NEBL: variants seen among roughly 807,000 people sequenced by gnomAD.
NEBL encodes the protein LIM and SH3 protein 2.
In NEBL, 122 loss-of-function variants were observed where a neutral mutation model predicts 140.2. The ratio of observed to expected loss-of-function variants is 0.87; its 90% CI spans 0.75 to 1.01. The LOEUF (loss-of-function observed/expected upper bound fraction) is 1.01, where lower values mean the gene tolerates loss of function less well. Ranked by LOEUF, NEBL falls within the 50% of genes least tolerant of loss-of-function variation. The probability of loss-of-function intolerance (pLI) is 0.00; values close to 1 mark genes in which losing one functional copy is unlikely to be tolerated. For synonymous variants in NEBL, 436 were observed against 398.9 expected (o/e 1.09, Z -1.11); for missense variants, 1,365 against 1,231.3 (o/e 1.11, Z -1.62).
chr10:21,142,566 T>C (rs1461280720), intron 2 of NEBL, among the ~76,000 whole-genome samples: 1 of 152,120 alleles, frequency 6.6e-6, no homozygotes, highest in Non-Finnish European at 1.5e-5. Flanking sequence ...CTAAGGGAAA[T>C]TGTGGGATCC....
intron 9 of NEBL, among the ~76,000 whole-genome samples, chr10:20,857,058 A>T (rs1284295751): frequency 6.6e-6 from 1 of 152,052 alleles, no homozygotes; most frequent in Non-Finnish European, 1.5e-5. Flanking sequence ...TGAACTTCTG[A>T]CCTCAGGTGA....
chr10:21,168,291 A>G (rs1355768081), intron 2 of NEBL, among the ~76,000 whole-genome samples: 1 of 152,208 alleles, frequency 6.6e-6, no homozygotes, highest in Non-Finnish European at 1.5e-5. Context: ...GTCTATGCTC[A>G]TGGTTTCCAA....
At chr10:21,253,152 C>T (rs1842608613) in intron 1 of NEBL, among the ~76,000 whole-genome samples, 1 of 152,168 alleles carries the variant, frequency 6.6e-6, no homozygotes, top group African/African-American at 2.4e-5. Context: ...ATCCAAGCTA[C>T]TCAGGAGGCT....
At chr10:21,054,249 G>A (rs1301544968) in intron 2 of NEBL, among the ~76,000 whole-genome samples, 1 of 152,036 alleles carries the variant, frequency 6.6e-6, no homozygotes, top group African/African-American at 2.4e-5. Context: ...GGTGTTTTCT[G>A]TTTTCTGTTT....
chr10:21,239,707 A>C (rs940690687), intron 3 of NEBL, among the ~76,000 whole-genome samples: 1 of 152,146 alleles, frequency 6.6e-6, no homozygotes, highest in Non-Finnish European at 1.5e-5. Flanking sequence ...AACTCAGAAC[A>C]GATTTTATTG....
intron 4 of NEBL, among the ~76,000 whole-genome samples, chr10:20,921,810 T>G (rs1287066845): frequency 6.6e-6 from 1 of 151,828 alleles, no homozygotes; most frequent in Non-Finnish European, 1.5e-5. Context: ...TATACACACA[T>G]GCACACCCCC....
chr10:21,210,448 A>G (rs559757356), intron 3 of NEBL, among the ~76,000 whole-genome samples: 1 of 152,316 alleles, frequency 6.6e-6, no homozygotes, highest in African/African-American at 2.4e-5. Flanking sequence ...TCTCCAGTCC[A>G]ATACATATAC....
rs1226698387 is a variant in NEBL at position 20,781,938 on chromosome 10, T to C, written c.*3809A>G. On this transcript the variant is annotated 3_prime_UTR_variant, in exon 28 of 28. Coordinates refer to ENST00000377122, the MANE Select transcript of NEBL (RefSeq NM_006393.3). ...TCAGAAGCAAATCGCTAAGGTATAA[T>C]TAATTTATGAAGTGAAGTTCATCTT... The C allele has an allele frequency of 1.3e-5, 2 of 152,730 alleles. No homozygotes were observed. The highest frequency in any genetic ancestry group is 3.9e-4 in the East Asian group (2 of 5,184). The allele number at this position is 152,730 out of a possible 1,614,324, so 9.5% of individuals were successfully genotyped here. A position where few individuals can be genotyped will look rare whatever the true frequency, so the allele number is the denominator to read the frequency against.
intron 17 of NEBL, among the ~76,000 whole-genome samples, chr10:20,827,140 T>C (rs1418780930): frequency 6.6e-6 from 1 of 152,146 alleles, no homozygotes; most frequent in Non-Finnish European, 1.5e-5. Context: ...TATTTATGAG[T>C]GCCCTCGTTA....
At chr10:20,952,951 AAAG>A (rs1244981421) in intron 4 of NEBL, among the ~76,000 whole-genome samples, 1 of 151,722 alleles carries the variant, frequency 6.6e-6, no homozygotes, top group African/African-American at 2.4e-5. Flanking sequence ...AAAGAAAAGA[AAAG>A]AAAAAACAAG....
intron 27 of NEBL, 51 bp from the exon 28 acceptor site, chr10:20,785,974 A>T: frequency 6.4e-7 from 1 of 1,560,352 alleles, no homozygotes; most frequent in Non-Finnish European, 8.8e-7. Flanking sequence ...AGCTACAGCC[A>T]CAAATTCCAA....
intron 3 of NEBL, among the ~76,000 whole-genome samples, chr10:21,210,433 C>T (rs1223218459): frequency 6.6e-6 from 1 of 151,938 alleles, no homozygotes; most frequent in Non-Finnish European, 1.5e-5. Flanking sequence ...CTAAGAAAAC[C>T]AAACTCTCCA....
intron 4 of NEBL, among the ~76,000 whole-genome samples, chr10:20,935,680 T>A (rs917561744): frequency 3.9e-5 from 6 of 152,198 alleles, no homozygotes; most frequent in Non-Finnish European, 5.9e-5. Flanking sequence ...GTTTTCTCCA[T>A]CCCATCTTAA....
intron 3 of NEBL, among the ~76,000 whole-genome samples, chr10:21,000,197 A>C (rs2131710690): frequency 2.2e-5 from 2 of 91,608 alleles, no homozygotes; most frequent in South Asian, 4.7e-4. Flanking sequence ...TAGAGGGGGA[A>C]TAGAGGGGGT....
intron 2 of NEBL, among the ~76,000 whole-genome samples, chr10:21,064,994 G>A (rs1835472080): frequency 1.3e-5 from 2 of 152,122 alleles, no homozygotes; most frequent in Non-Finnish European, 2.9e-5. Context: ...TTTAGGGAAG[G>A]TGTGTTGGAA....
chr10:21,158,015 C>A (rs908307630), intron 2 of NEBL, among the ~76,000 whole-genome samples: 34 of 152,194 alleles, frequency 2.2e-4, no homozygotes, highest in Middle Eastern at 3.2e-3. Context: ...GAAACCAACC[C>A]TACAGACACT....
At chr10:21,133,014 A>T (rs1839187052) in intron 2 of NEBL, among the ~76,000 whole-genome samples, 1 of 152,112 alleles carries the variant, frequency 6.6e-6, no homozygotes, top group South Asian at 2.1e-4. Context: ...CTTTTATTGC[A>T]TGTGTTTTTT....
At chr10:21,292,921 A>G (rs1843164440) in exon 1 of NEBL, among the ~76,000 whole-genome samples, 1 of 152,212 alleles carries the variant, frequency 6.6e-6, no homozygotes, top group Non-Finnish European at 1.5e-5. Flanking sequence ...AAGTACTCAC[A>G]CTTGGCAAAT....
intron 18 of NEBL, among the ~76,000 whole-genome samples, 156 bp downstream of exon 18, chr10:20,826,291 T>C (rs1230791079): frequency 6.6e-6 from 1 of 152,184 alleles, no homozygotes; most frequent in African/African-American, 2.4e-5. Context: ...ACAGTTTTTG[T>C]TCTGAAAGTT....
Sources: allele counts gnomAD v4.1 joint callset (sites outside exome capture counted in the v4.1 genomes callset), GRCh38; gene constraint gnomAD v4.1.1; transcripts MANE v1.5; gene names NCBI Gene and HGNC (gene_info 2026-07-23, HGNC 2026-07-21).